Variants in DIDO1 observed in about 807,000 individuals in gnomAD.
DIDO1 encodes the protein death inducer-obliterator 1, also known as death-inducer obliterator 1.
In DIDO1, 16 loss-of-function variants were observed where a neutral mutation model predicts 99.4. That is an observed-to-expected ratio of 0.16 (90% CI 0.11 to 0.24). DIDO1 has a LOEUF of 0.24. Among genes scored for constraint, DIDO1 ranks in the 10% least tolerant of loss-of-function variants. The pLI, the probability that DIDO1 is intolerant of heterozygous loss-of-function variation, is 1.00. For synonymous variants in DIDO1, 1,366 were observed against 1,239.1 expected, an observed-to-expected ratio of 1.10 and a Z score of -2.15; for missense variants, 2,996 against 3,014.0, an observed-to-expected ratio of 0.99 and a Z score of 0.14.
At chr20:62,889,863 G>C (rs2064362901) in intron 15 of DIDO1, 1 of 985,426 alleles carries the variant, frequency 1.0e-6, no homozygotes, top group African/African-American at 1.7e-5. Flanking sequence ...TGAAATTACT[G>C]ATACCAACCA....
At chr20:62,899,347 C>T (rs528792009) in intron 6 of DIDO1, among the ~76,000 whole-genome samples, 27 of 152,344 alleles carry the variant, frequency 1.8e-4, no homozygotes, top group East Asian at 1.7e-3. Context: ...GTGACCTGAA[C>T]GGTATCTTTA....
chr20:62,902,509 C>T (rs886155786), intron 6 of DIDO1, among the ~76,000 whole-genome samples: 2 of 152,168 alleles, frequency 1.3e-5, no homozygotes, highest in Non-Finnish European at 2.9e-5. Context: ...ACAAGCCACC[C>T]TCCTCTCCCG....
chr20:62,929,893 C>T (rs547798828), upstream of DIDO1, among the ~76,000 whole-genome samples: 9 of 151,832 alleles, frequency 5.9e-5, no homozygotes, highest in African/African-American at 2.2e-4. Context: ...CCACTACTTC[C>T]CCTCAAAGCA....
In DIDO1 at chr20:62,881,540, C is replaced by T. The variant is rs947243914; in HGVS notation, c.4416G>A (p.Leu1472=). ...CTTCTAGCATCTTCTGTTGCTCCAC[C>T]AGGGAGGGCGTCGCAGCCCCGGCCA... is the stretch of plus-strand genomic sequence containing the variant. ...EPVAGAATPS[L]VEQQKMLEEL... Residue 1472 remains leucine, a synonymous_variant, in exon 16 of 16, where the codon CTG becomes CTA. Transcript: ENST00000395343. The surrounding 1 kb of genome is among the most constrained non-coding windows in gnomAD (Gnocchi z 8.3). 3.7e-6 allele frequency: 6 copies of T among 1,611,682 alleles called. No individual in the cohort carries two copies. The highest frequency in any genetic ancestry group is 4.2e-6 in the Non-Finnish European group (5 of 1,180,034).
intron 12 of DIDO1, 151 bp downstream of exon 12, chr20:62,893,515 A>C (rs1176968662): frequency 6.7e-6 from 6 of 898,288 alleles, no homozygotes; most frequent in Non-Finnish European, 9.5e-6. Context: ...ACAATAAGGC[A>C]CCCTACAACT....
chr20:62,887,689 C>A, intron 15 of DIDO1: 1 of 985,374 alleles, frequency 1.0e-6, no homozygotes, highest in Non-Finnish European at 1.2e-6. Context: ...TGTAAGGGCC[C>A]TGCACAGAAC....
chr20:62,879,398 C>T lies in DIDO1; in HGVS notation c.6558G>A (p.Arg2186=), dbSNP rs1240336488. ...SRNRERERDR[R]RDRDRSRSRE... ...TGCTCCGGGACCGGTCCCGGTCGCG[C>T]CTCCGGTCTCGCTCGCGCTCTCGGT... The change falls in exon 16 of 16, where the codon AGG becomes AGA. Residue 2186 remains arginine (R), a synonymous_variant. Coordinates refer to ENST00000395343, the MANE Select transcript of DIDO1 (RefSeq NM_001193369.2). The surrounding 1 kb of genome is among the most constrained non-coding windows in gnomAD (Gnocchi z 6.3). The T allele has an allele frequency of 5.2e-6, 8 of 1,543,846 alleles. No homozygotes were observed. The highest frequency in any genetic ancestry group is 7.0e-6 in the Non-Finnish European group (8 of 1,147,888).
Position 62,909,992 on chromosome 20 carries a change from C to G in DIDO1, c.868G>C (p.Glu290Gln), listed in dbSNP as rs767197597. 2 of 1,611,100 alleles carry G rather than the reference C, an allele frequency of 1.2e-6. No individual in the cohort carries two copies. The highest frequency in any genetic ancestry group is 1.7e-5 in the Admixed American group (1 of 60,022). The change falls in exon 4 of 16, where the codon GAA becomes CAA. Residue 290 changes from glutamate (E) to glutamine (Q), a missense_variant. By Grantham distance (29) the Glu-to-Gln change is conservative. This residue lies in a region of DIDO1 where 13 missense variants were observed against 49.9 expected (regional missense o/e 0.26). Transcript: ENST00000395343. ...CCCACACAATCGCCATGAAACCATT[C>G]TTCACAGCGGTCACAGCAAATCATA... is the stretch of plus-strand genomic sequence containing the variant. ...RFMICCDRCE[E>Q]WFHGDCVGIS...
chr20:62,923,629 T>C (rs2147576947), intron 1 of DIDO1, among the ~76,000 whole-genome samples: 2 of 152,362 alleles, frequency 1.3e-5, no homozygotes, highest in Middle Eastern at 6.8e-3. Context: ...CGTGGAGCTT[T>C]TCTGGACAGC....
Position 62,904,818 on chromosome 20 carries a change from T to C in DIDO1, c.1588+1069A>G, listed in dbSNP as rs575926478. Among the ~76,000 whole-genome samples the C allele has an allele frequency of 3.9e-3, 517 of 133,026 alleles. 2 individuals are homozygous for C. Among genetic ancestry groups the C allele is most frequent in the African/African-American group, 0.013 (489 of 38,780 alleles). 87.3% of individuals were successfully genotyped at this position (133,026 alleles called of 152,430 possible). ...AAAAAAAAAAAAAAAGTGTCTTTTT[T>C]GTAAGGCACACCAGACCTAGCATAG... On this transcript the variant is annotated intron_variant, in intron 6 of 15. Coordinates refer to ENST00000395343, the MANE Select transcript of DIDO1 (RefSeq NM_001193369.2).
In DIDO1 at chr20:62,881,029, G is replaced by T; in HGVS notation, c.4927C>A (p.Arg1643Ser). 1 of 1,604,746 alleles carries T rather than the reference G, an allele frequency of 6.2e-7. No homozygotes were observed. The highest frequency in any genetic ancestry group is 1.7e-4 in the Middle Eastern group (1 of 6,038). The change falls in exon 16 of 16, where the codon CGC becomes AGC. Residue 1643 changes from arginine (R) to serine (S), a missense_variant. Coordinates refer to ENST00000395343, the MANE Select transcript of DIDO1 (RefSeq NM_001193369.2). This position sits in a 1 kb window ranked among gnomAD's most constrained non-coding sequence, Gnocchi z 8.3. ...GAGCTGTCTCCAACCGTGGCGGGGC[G>T]GGTGCCCTCCCCAGGCTCTGCCTTC... ...GWKAEPGEGT[R>S]PATVGDSSAR...
Position 62,892,773 on chromosome 20 carries a change from G to GACAC in DIDO1, c.3255+32_3255+35dup, listed in dbSNP as rs760742521. 5.7e-6 allele frequency: 9 copies of GACAC among 1,577,610 alleles called. No homozygotes were observed. In the South Asian group the frequency reaches 7.9e-5, roughly 14 times the overall value. On this transcript the variant is annotated intron_variant, in intron 13 of 15. Coordinates refer to ENST00000395343, the MANE Select transcript of DIDO1 (RefSeq NM_001193369.2). ...CTCTAGTTTAGAAACTCCTATGAAA[G>GACAC]ACACACACACGCACACACATTTTCT...
chr20:62,918,815 CATCA>C (rs1286381708), intron 1 of DIDO1, among the ~76,000 whole-genome samples: 2 of 145,646 alleles, frequency 1.4e-5, no homozygotes, highest in Non-Finnish European at 3.1e-5. Context: ...TCTCCTGGCT[CATCA>C]ATCTGTTTAT....
chr20:62,913,594 C>A (rs2064987053), intron 2 of DIDO1, among the ~76,000 whole-genome samples: 1 of 152,200 alleles, frequency 6.6e-6, no homozygotes, highest in Non-Finnish European at 1.5e-5. Flanking sequence ...TTGTGCAAGC[C>A]AAAATATTTG....
intron 15 of DIDO1, among the ~76,000 whole-genome samples, chr20:62,883,144 G>A (rs3746771): frequency 0.19 from 28,175 of 151,470 alleles, 2,884 homozygotes; most frequent in East Asian, 0.27. Flanking sequence ...GGCTGGTCTC[G>A]AACTCCTGAC....
intron 1 of DIDO1, among the ~76,000 whole-genome samples, chr20:62,922,231 C>T (rs1330908090): frequency 5.4e-5 from 5 of 92,084 alleles, no homozygotes; most frequent in Non-Finnish European, 8.9e-5. Context: ...CACACACACA[C>T]ATATATATAT....
At position 62,881,721 on chromosome 20, in the gene DIDO1, C is replaced by T. The variant is rs1241485874; in HGVS notation, c.4235G>A (p.Arg1412Lys). 5 of 1,613,004 alleles carry T rather than the reference C, an allele frequency of 3.1e-6. No homozygotes were observed. The East Asian group carries it at 8.9e-5, about 29-fold the overall frequency. ...VERGRRHEVERAPEAAAAERE... is the reference protein window; with the variant it reads ...VERGRRHEVEKAPEAAAAERE... ...CTCGGCTGCAGCTGCTTCAGGAGCCCTTTCCACCTCGTGGCGCCGCCCTCG... is the reference window on the plus strand; with the variant it reads ...CTCGGCTGCAGCTGCTTCAGGAGCCTTTTCCACCTCGTGGCGCCGCCCTCG... The change falls in exon 16 of 16, where the codon AGG becomes AAG. Residue 1412 changes from arginine to lysine, a missense_variant. By Grantham distance (26) the Arg-to-Lys change is conservative (BLOSUM62 2). This residue lies in a region of DIDO1 where 1,562 missense variants were observed against 1,412.6 expected (regional missense o/e 1.11). Transcript: ENST00000395343. This position sits in a 1 kb window ranked among gnomAD's most constrained non-coding sequence, Gnocchi z 8.3.
intron 15 of DIDO1, among the ~76,000 whole-genome samples, chr20:62,883,304 TAATC>T (rs2064243806): frequency 6.6e-6 from 1 of 152,228 alleles, no homozygotes; most frequent in South Asian, 2.1e-4. Flanking sequence ...AAAGTCATAA[TAATC>T]AATAAAGCAC....
Position 62,879,316 on chromosome 20 carries a change from G to T in DIDO1, c.6640C>A (p.Arg2214=). The T allele has an allele frequency of 6.4e-7, 1 of 1,569,504 alleles. No homozygotes were observed. The change falls in exon 16 of 16, where the codon CGG becomes AGG. Residue 2214 remains arginine, a synonymous_variant. Coordinates refer to ENST00000395343, the MANE Select transcript of DIDO1 (RefSeq NM_001193369.2). This position sits in a 1 kb window ranked among gnomAD's most constrained non-coding sequence, Gnocchi z 6.3. ...DRERGRDRKD[R]SKSKESARDP... is the part of the protein sequence containing the mutation. ...CGAGCGCTCTCTTTGCTCTTGCTCC[G>T]GTCCTTGCGGTCGCGGCCCCGCTCC...
Sources: allele counts gnomAD v4.1 joint callset (sites outside exome capture counted in the v4.1 genomes callset), GRCh38; gene constraint gnomAD v4.1.1; regional missense constraint gnomAD v4.1.1; non-coding constraint Gnocchi (gnomAD v3.1); transcripts MANE v1.5; gene names NCBI Gene and HGNC (gene_info 2026-07-23, HGNC 2026-07-21).